ISYNA1: variants seen among roughly 807,000 people sequenced by gnomAD.
The protein encoded by ISYNA1 is inositol-3-phosphate synthase 1.
ISYNA1 carries 34 observed loss-of-function variants against 50.3 expected under a neutral mutation model. That is an observed-to-expected ratio of 0.68 (90% CI 0.51 to 0.90). The LOEUF is 0.90. ISYNA1 is among the 40% of genes least tolerant of loss of function. The pLI is 0.00. For missense variants in ISYNA1, 718 were observed against 784.8 expected (o/e 0.91, Z 1.02); for synonymous variants, 396 against 349.9 (o/e 1.13, Z -1.47).
intron 6 of ISYNA1, 32 bp downstream of exon 6, chr19:18,436,298 G>T: frequency 6.2e-7 from 1 of 1,609,674 alleles, no homozygotes; most frequent in Non-Finnish European, 8.5e-7. Flanking sequence ...GACTGGCCCT[G>T]CCTGACCCGC....
In ISYNA1 at chr19:18,438,097, GCA is replaced by G; in HGVS notation, c.-16_-15del. 7 of 1,122,986 alleles carry G rather than the reference GCA, an allele frequency of 6.2e-6. No individual in the cohort carries two copies. The highest frequency in any genetic ancestry group is 8.3e-6 in the Non-Finnish European group (7 of 838,538). The allele number at this position is 1,122,986 out of a possible 1,614,324, so 69.6% of individuals were successfully genotyped here. On this transcript the variant is annotated 5_prime_UTR_variant, in exon 1 of 11. Coordinates refer to ENST00000338128, the MANE Select transcript of ISYNA1 (RefSeq NM_016368.5). ...CCTGCCCCGAACCGCACTCACCGGC[GCA>G]GAGTCGACTCAGGCAGCGGCGGCGG...
Position 18,435,288 on chromosome 19 carries a change from T to C in ISYNA1, c.1450A>G (p.Ser484Gly), listed in dbSNP as rs915099345. The change falls in exon 10 of 11, where the codon AGC becomes GGC. Residue 484 changes from serine (S) to glycine (G), a missense_variant. Ser to Gly is a moderately conservative substitution (Grantham distance 56). Transcript: ENST00000338128. Reference protein sequence around the residue: ...PVVNALFRQRSCIENILRACV... With the variant: ...PVVNALFRQRGCIENILRACV... ...CACCTGAGGATGTTCTCGATGCAGC[T>C]GCGCTGGCGGAAAAGCGCATTGACC... The C allele has an allele frequency of 6.2e-7, 1 of 1,606,634 alleles. No individual in the cohort carries two copies. The highest frequency in any genetic ancestry group is 1.3e-5 in the African/African-American group (1 of 74,938).
intron 3 of ISYNA1, chr19:18,437,343 C>T: frequency 7.2e-7 from 1 of 1,391,206 alleles, no homozygotes; most frequent in Non-Finnish European, 9.3e-7. Context: ...AACCCTTCCA[C>T]GGGGTCCGCC....
Position 18,436,421 on chromosome 19 carries a change from A to T in ISYNA1, c.668T>A (p.Val223Asp), listed in dbSNP as rs557048057. The change falls in exon 6 of 11, where the codon GTC becomes GAC. Residue 223 changes from valine (V) to aspartate (D), a missense_variant. Physicochemically the swap from Val to Asp is radical, Grantham distance 152. Coordinates refer to ENST00000338128, the MANE Select transcript of ISYNA1 (RefSeq NM_016368.5). ...CGTGTTCGCCGTCCACAGCACTATG[A>T]CTTTGTCCAGCCCCGCGCTAGACCG... ...DFRSSAGLDK[V>D]IVLWTANTER... The T allele has an allele frequency of 6.2e-7, 1 of 1,610,768 alleles. No homozygotes were observed. The highest frequency in any genetic ancestry group is 1.3e-5 in the African/African-American group (1 of 74,946).
In ISYNA1 at chr19:18,436,078, TTGGTC is replaced by T. The variant is rs749381980; in HGVS notation, c.924_928del (p.Thr309SerfsTer42). ...GAAGTCCACAAGCACGGACTTGACT[TTGGTC>T]TGGCCTGACTTGAAGTCATCTCCGC... On this transcript the variant is annotated frameshift_variant, in exon 7 of 11. Coordinates refer to ENST00000338128, the MANE Select transcript of ISYNA1 (RefSeq NM_016368.5). LOFTEE classifies it high-confidence loss of function. The T allele has an allele frequency of 1.2e-6, 2 of 1,613,332 alleles. No homozygotes were observed. The highest frequency in any genetic ancestry group is 1.7e-6 in the Non-Finnish European group (2 of 1,179,960).
chr19:18,437,252 C>A (rs996216843), intron 3 of ISYNA1, 147 bp from the exon 4 acceptor site: 9 of 1,434,840 alleles, frequency 6.3e-6, no homozygotes, highest in Non-Finnish European at 8.2e-6. Flanking sequence ...AAGCCGCTGC[C>A]CCCAGGCCCC....
rs879283286 is a variant in ISYNA1 at position 18,435,781 on chromosome 19, C to A, written c.1116G>T (p.Thr372=). ...DMVQSNPVLY[T]PGEEPDHCVV... ...CGCAGTGGTCAGGCTCTTCGCCGGG[C>A]GTATAGAGCACTGGGTTGCTCTGCA... is the stretch of plus-strand genomic sequence containing the variant. The change falls in exon 8 of 11, where the codon ACG becomes ACT. Residue 372 remains threonine, a synonymous_variant. Transcript: ENST00000338128. 2 of 1,613,496 alleles carry A rather than the reference C, an allele frequency of 1.2e-6. No individual in the cohort carries two copies. The highest frequency in any genetic ancestry group is 1.7e-6 in the Non-Finnish European group (2 of 1,179,898).
chr19:18,435,337 T>A lies in ISYNA1; in HGVS notation c.1401A>T (p.Pro467=). Residue 467 remains proline, a synonymous_variant, in exon 10 of 11, where the codon CCA becomes CCT. Transcript: ENST00000338128. ...CCACCGGGCTGCCGGGCGGCACTAGTGGCGCCTTGAAGAGGAAGCTGAGCA... is the reference window on the plus strand; with the variant it reads ...CCACCGGGCTGCCGGGCGGCACTAGAGGCGCCTTGAAGAGGAAGCTGAGCA... ...LSLLSFLFKA[P]LVPPGSPVVN... is the part of the protein sequence containing the mutation. 6.2e-7 allele frequency: 1 copy of A among 1,610,118 alleles called. No individual in the cohort carries two copies. The highest frequency in any genetic ancestry group is 1.1e-5 in the South Asian group (1 of 91,070).
chr19:18,434,415 A>G lies in ISYNA1; in HGVS notation c.*498T>C. ...CTCTTACCATTTTATTAAAAACGCA[A>G]GGACCTCAGAGACGTTCTTTTCTGT... On this transcript the variant is annotated 3_prime_UTR_variant, in exon 11 of 11. Coordinates refer to ENST00000338128, the MANE Select transcript of ISYNA1 (RefSeq NM_016368.5). 2.4e-6 allele frequency: 3 copies of G among 1,234,020 alleles called. No individual in the cohort carries two copies. The highest frequency in any genetic ancestry group is 3.2e-6 in the Non-Finnish European group (3 of 933,328). 76.4% of individuals were successfully genotyped at this position (1,234,020 alleles called of 1,614,324 possible).
At position 18,435,719 on chromosome 19, in the gene ISYNA1, G is replaced by A. The variant is rs978027437; in HGVS notation, c.1140+38C>T. 5 of 1,610,568 alleles carry A rather than the reference G, an allele frequency of 3.1e-6. No individual in the cohort carries two copies. In the African/African-American group the frequency reaches 4.0e-5, roughly 13 times the overall value. On this transcript the variant is annotated intron_variant, in intron 8 of 10. Coordinates refer to ENST00000338128, the MANE Select transcript of ISYNA1 (RefSeq NM_016368.5). ...TTTGCCCGGGTCCCTGCCACCCCTC[G>A]CCGGGCAACCCCGCGCCCGCGCCCG... is the stretch of plus-strand genomic sequence containing the variant.
chr19:18,437,416 C>T (rs1974104725), intron 3 of ISYNA1, 183 bp downstream of exon 3: 1 of 1,133,912 alleles, frequency 8.8e-7, no homozygotes, highest in Non-Finnish European at 1.2e-6. Context: ...CCTGCAGGTC[C>T]CTCGCCCACT....
Position 18,437,226 on chromosome 19 carries a change from C to G in ISYNA1, c.283-121G>C, listed in dbSNP as rs1287845768. 2.1e-6 allele frequency: 3 copies of G among 1,449,114 alleles called. No homozygotes were observed. In the African/African-American group the frequency reaches 4.3e-5, roughly 21 times the overall value. 89.8% of individuals were successfully genotyped at this position (1,449,114 alleles called of 1,614,324 possible). A position where few individuals can be genotyped will look rare whatever the true frequency, so the allele number is the denominator to read the frequency against. Reference sequence around the variant, plus strand: ...CTTTCGGGCATTTTTCAGTTCCAGGCTCACAGCCAGGACGGAAGCCGCTGC... The same window carrying G: ...CTTTCGGGCATTTTTCAGTTCCAGGGTCACAGCCAGGACGGAAGCCGCTGC... On this transcript the variant is annotated intron_variant, in intron 3 of 10. Coordinates refer to ENST00000338128, the MANE Select transcript of ISYNA1 (RefSeq NM_016368.5).
rs759846578 is a variant in ISYNA1 at position 18,435,578 on chromosome 19, C to T, written c.1239G>A (p.Leu413=). The part of the protein sequence containing the change: ...LMLGGTNTLV[L]HNTCEDSLLA... The stretch of plus-strand genomic sequence containing the variant: ...CGCGCCGCACCTCACACGTGTTGTG[C>T]AGCACCAGTGTGTTGGTTCCGCCCA... Residue 413 remains leucine (L), a synonymous_variant, in exon 9 of 11, where the codon CTG becomes CTA. Coordinates refer to ENST00000338128, the MANE Select transcript of ISYNA1 (RefSeq NM_016368.5). 3.7e-6 allele frequency: 6 copies of T among 1,607,866 alleles called. No homozygotes were observed. The South Asian group carries it at 6.6e-5, about 18-fold the overall frequency.
chr19:18,435,818 A>G lies in ISYNA1; in HGVS notation c.1079T>C (p.Val360Ala). 4 of 1,613,892 alleles carry G rather than the reference A, an allele frequency of 2.5e-6. No homozygotes were observed. The highest frequency in any genetic ancestry group is 3.4e-6 in the Non-Finnish European group (4 of 1,179,942). ...RSKEVSKSNV[V>A]DDMVQSNPVL... is the part of the protein sequence containing the mutation. ...TGGGTTGCTCTGCACCATGTCGTCC[A>G]CCACGTTGCTCTTGGACACCTCCTT... Residue 360 changes from valine (V) to alanine (A), a missense_variant, in exon 8 of 11, where the codon GTG (valine) becomes GCG (alanine). Around this residue, in one of 3 missense-constraint regions of ISYNA1, gnomAD observed 305 missense variants for 292.6 expected, o/e 1.04. Transcript: ENST00000338128.
rs1487566483 is a variant in ISYNA1, at chr19:18,435,360, G to A, written c.1378C>T (p.Leu460Phe). 2 of 1,611,014 alleles carry A rather than the reference G, an allele frequency of 1.2e-6. No individual in the cohort carries two copies. Among genetic ancestry groups the A allele is most frequent in the East Asian group, 2.2e-5 (1 of 44,896 alleles). Residue 460 changes from leucine to phenylalanine, a missense_variant, in exon 10 of 11, where the codon CTC becomes TTC. Around this residue, in one of 3 missense-constraint regions of ISYNA1, gnomAD observed 305 missense variants for 292.6 expected, o/e 1.04. Transcript: ENST00000338128. ...AGTGGCGCCTTGAAGAGGAAGCTGA[G>A]CAGGGACAGCACGGGGTGGAAGGTC... ...PQTFHPVLSL[L>F]SFLFKAPLVP...
rs1973943333 is a variant in ISYNA1, at chr19:18,435,424, C to T, written c.1314G>A (p.Gln438=). Residue 438 remains glutamine, a synonymous_variant, in exon 10 of 11, where the codon CAG becomes CAA. Transcript: ENST00000338128. ...CCATGTCAGTGCAGAAGCTCACGCG[C>T]TGGCACAGCTCGGTCAGCAGCGCTA... The part of the protein sequence containing the change: ...LDLALLTELC[Q]RVSFCTDMDP... The T allele has an allele frequency of 3.1e-6, 5 of 1,610,594 alleles. No individual in the cohort carries two copies. Among genetic ancestry groups the T allele is most frequent in the African/African-American group, 2.7e-5 (2 of 74,922 alleles).
At position 18,437,024 on chromosome 19, in the gene ISYNA1, G is replaced by A. The variant is rs1485165297; in HGVS notation, c.364C>T (p.Pro122Ser). 6.2e-7 allele frequency: 1 copy of A among 1,611,136 alleles called. No homozygotes were observed. The highest frequency in any genetic ancestry group is 8.5e-7 in the Non-Finnish European group (1 of 1,179,622). ...LDAEGQEVFVPFSAVLPMVAP... is the reference protein window; with the variant it reads ...LDAEGQEVFVSFSAVLPMVAP... ...ACCATGGGCAGCACCGCGCTGAAGG[G>A]TACGAACACCTCCTGGCCCTCGGCG... The change falls in exon 4 of 11, where the codon CCC becomes TCC. Residue 122 changes from proline (P) to serine (S), a missense_variant. Around this residue, in one of 3 missense-constraint regions of ISYNA1, gnomAD observed 403 missense variants for 466.6 expected, o/e 0.86. Coordinates refer to ENST00000338128, the MANE Select transcript of ISYNA1 (RefSeq NM_016368.5).
chr19:18,435,157 A>C (rs747255234), intron 10 of ISYNA1, 40 bp from the exon 11 acceptor site: 4 of 1,606,856 alleles, frequency 2.5e-6, no homozygotes, highest in South Asian at 2.2e-5. Context: ...AGACACCCAC[A>C]GGGAGAAAGG....
Position 18,435,002 on chromosome 19 carries a change from T to C in ISYNA1, c.1588A>G (p.Lys530Glu), listed in dbSNP as rs1464795493. ...GTGGCAGCGGGTACCGGTCCTTTCTTGTTCAACATAGGGTAGGTGGCAGCC... is the reference window on the plus strand; with the variant it reads ...GTGGCAGCGGGTACCGGTCCTTTCTCGTTCAACATAGGGTAGGTGGCAGCC... ...PVAATYPMLNKKGPVPAATNG... is the reference protein window; with the variant it reads ...PVAATYPMLNEKGPVPAATNG... Residue 530 changes from lysine to glutamate, a missense_variant, in exon 11 of 11, where the codon AAG (lysine) becomes GAG (glutamate). Lys to Glu is a moderately conservative substitution (Grantham distance 56). Around this residue, in one of 3 missense-constraint regions of ISYNA1, gnomAD observed 305 missense variants for 292.6 expected, o/e 1.04. Transcript: ENST00000338128. 2.5e-6 allele frequency: 4 copies of C among 1,613,384 alleles called. No homozygotes were observed. Among genetic ancestry groups the C allele is most frequent in the Non-Finnish European group, 3.4e-6 (4 of 1,179,994 alleles).
Sources: allele counts gnomAD v4.1 joint callset, GRCh38; gene constraint gnomAD v4.1.1; regional missense constraint gnomAD v4.1.1; transcripts MANE v1.5; gene names NCBI Gene and HGNC (gene_info 2026-07-23, HGNC 2026-07-21).